Variants in COMMD10 observed in about 807,000 individuals in gnomAD.
COMMD10 encodes the protein COMM domain-containing protein 10.
Under a neutral mutation model 28.9 loss-of-function variants are expected in COMMD10, and 33 were observed. The ratio of observed to expected loss-of-function variants is 1.14; its 90% CI spans 0.87 to 1.53. The LOEUF is 1.53. Ranked by LOEUF, COMMD10 falls within the 40% of genes most tolerant of loss-of-function variation. The pLI is 0.00. For missense variants in COMMD10, 310 were observed against 233.4 expected (o/e 1.33, Z -2.14); for synonymous variants, 110 against 81.7 (o/e 1.35, Z -1.87).
chr5:116,163,335 A>G (rs1752980745), intron 5 of COMMD10, among the ~76,000 whole-genome samples: 1 of 150,850 alleles, frequency 6.6e-6, no homozygotes, highest in African/African-American at 2.5e-5. Flanking sequence ...CTGTACTTCC[A>G]GCACTTTGGG....
intron 5 of COMMD10, among the ~76,000 whole-genome samples, chr5:116,244,030 T>G (rs981797390): frequency 6.6e-6 from 1 of 152,160 alleles, no homozygotes; most frequent in Non-Finnish European, 1.5e-5. Context: ...TAAAGATGTC[T>G]ATACACACAC....
chr5:116,111,124 G>T (rs946684892), intron 4 of COMMD10, among the ~76,000 whole-genome samples: 1 of 152,014 alleles, frequency 6.6e-6, no homozygotes, highest in Non-Finnish European at 1.5e-5. Context: ...CATTTGTAAC[G>T]TCTCCATTTT....
chr5:116,198,889 T>A (rs1748593896), intron 5 of COMMD10, among the ~76,000 whole-genome samples: 1 of 152,192 alleles, frequency 6.6e-6, no homozygotes, highest in Non-Finnish European at 1.5e-5. Flanking sequence ...TTTCCAGTTT[T>A]GCTAAGTATA....
At chr5:116,187,308 T>G (rs9687467) in intron 5 of COMMD10, among the ~76,000 whole-genome samples, 148,912 of 152,200 alleles carry the variant, frequency 0.98, 72,928 homozygotes, top group East Asian at 1. Context: ...AACATACAAA[T>G]GAATAGATAG....
intron 5 of COMMD10, among the ~76,000 whole-genome samples, chr5:116,140,211 C>G (rs891559256): frequency 1.5e-5 from 2 of 132,842 alleles, no homozygotes; most frequent in Non-Finnish European, 3.1e-5. Flanking sequence ...TATCCTTTTT[C>G]AAGGCTGACT....
At chr5:116,283,562 G>A (rs568310030) in intron 5 of COMMD10, among the ~76,000 whole-genome samples, 2 of 151,622 alleles carry the variant, frequency 1.3e-5, no homozygotes, top group Admixed American at 6.6e-5. Flanking sequence ...GTCCAGGCTG[G>A]TCTCGAACTC....
At chr5:116,182,804 G>A (rs1413102937) in intron 5 of COMMD10, among the ~76,000 whole-genome samples, 3 of 152,010 alleles carry the variant, frequency 2.0e-5, no homozygotes, top group Admixed American at 2.0e-4. Context: ...ATCTTTAATT[G>A]TAATCCCCAT....
intron 5 of COMMD10, among the ~76,000 whole-genome samples, chr5:116,180,761 G>A (rs1435649662): frequency 6.6e-6 from 1 of 151,844 alleles, no homozygotes; most frequent in Non-Finnish European, 1.5e-5. Context: ...ATCATTTAGG[G>A]GGATCGCATA....
intron 5 of COMMD10, among the ~76,000 whole-genome samples, chr5:116,164,414 T>TAA (rs1753024855): frequency 6.6e-6 from 1 of 152,206 alleles, no homozygotes; most frequent in African/African-American, 2.4e-5. Context: ...TAAGTGGGGG[T>TAA]AATTGACAGT....
intron 5 of COMMD10, among the ~76,000 whole-genome samples, chr5:116,264,221 G>A (rs941128023): frequency 2.6e-5 from 4 of 151,748 alleles, no homozygotes; most frequent in Non-Finnish European, 5.9e-5. Context: ...AGTGATTAAA[G>A]TACAGGCCTT....
At chr5:116,236,320 A>G (rs955484371) in intron 5 of COMMD10, among the ~76,000 whole-genome samples, 1 of 152,010 alleles carries the variant, frequency 6.6e-6, no homozygotes, top group African/African-American at 2.4e-5. Flanking sequence ...CCTGGCCAAC[A>G]TGGTGAAACT....
At chr5:116,192,428 A>C (rs1192737238) in intron 5 of COMMD10, among the ~76,000 whole-genome samples, 1 of 152,072 alleles carries the variant, frequency 6.6e-6, no homozygotes, top group Non-Finnish European at 1.5e-5. Context: ...ACAATACAAG[A>C]AGTGAAGGGG....
At chr5:116,151,367 G>A (rs1752521401) in intron 5 of COMMD10, among the ~76,000 whole-genome samples, 2 of 151,986 alleles carry the variant, frequency 1.3e-5, no homozygotes, top group African/African-American at 4.8e-5. Flanking sequence ...GATGATGCTG[G>A]CCTCATAAAA....
At chr5:116,229,853 A>C (rs1749484053) in intron 5 of COMMD10, among the ~76,000 whole-genome samples, 3 of 151,944 alleles carry the variant, frequency 2.0e-5, no homozygotes, top group Admixed American at 6.6e-5. Flanking sequence ...AAGATGAAAA[A>C]ACCCCCAGCA....
chr5:116,184,570 A>G (rs1748078755), intron 5 of COMMD10, among the ~76,000 whole-genome samples: 1 of 152,082 alleles, frequency 6.6e-6, no homozygotes, highest in South Asian at 2.1e-4. Flanking sequence ...TGGTGTAGAA[A>G]TAAGATATAA....
chr5:116,217,043 T>C (rs1749121562), intron 5 of COMMD10, among the ~76,000 whole-genome samples: 1 of 152,028 alleles, frequency 6.6e-6, no homozygotes, highest in African/African-American at 2.4e-5. Flanking sequence ...CATTACATAG[T>C]CATTAAAAAA....
At chr5:116,171,794 C>A (rs773415872) in intron 5 of COMMD10, among the ~76,000 whole-genome samples, 3 of 150,570 alleles carry the variant, frequency 2.0e-5, no homozygotes, top group Non-Finnish European at 4.4e-5. Flanking sequence ...CACATGGACA[C>A]AGGGAGGGGA....
chr5:116,204,841 C>A lies in COMMD10; in HGVS notation c.510+70663C>A, dbSNP rs1748769355. 2.0e-5 allele frequency among the ~76,000 whole-genome samples: 3 copies of A among 152,108 alleles called. No homozygotes were observed. The South Asian group carries it at 6.2e-4, about 32-fold the overall frequency. ...TTAAAGAAGACATTCAACTAGAGCT[C>A]AATTTTTCTGATGAGCTCCCAGGTT... On this transcript the variant is annotated intron_variant, in intron 5 of 6. Transcript: ENST00000274458.
chr5:116,112,317 A>C (rs1751071400), intron 4 of COMMD10, among the ~76,000 whole-genome samples: 1 of 152,178 alleles, frequency 6.6e-6, no homozygotes, highest in Admixed American at 6.5e-5. Flanking sequence ...AATATCAATC[A>C]ATATCTTTTT....
Sources: allele counts gnomAD v4.1 joint callset (sites outside exome capture counted in the v4.1 genomes callset), GRCh38; gene constraint gnomAD v4.1.1; transcripts MANE v1.5; gene names NCBI Gene and HGNC (gene_info 2026-07-23, HGNC 2026-07-21).